The following PDE5A variants were observed in gnomAD, a reference collection of about 807,000 sequenced individuals.
The protein encoded by PDE5A is phosphodiesterase 5A, also known as cGMP-specific 3',5'-cyclic phosphodiesterase.
In PDE5A, 67 loss-of-function variants were observed where a neutral mutation model predicts 110.2. The ratio of observed to expected loss-of-function variants is 0.61; its 90% CI spans 0.50 to 0.75. The LOEUF (loss-of-function observed/expected upper bound fraction) is 0.75. Among genes scored for constraint, PDE5A ranks in the 30% least tolerant of loss-of-function variants. The pLI is 0.00. For synonymous variants in PDE5A, 328 were observed against 351.2 expected, an observed-to-expected ratio of 0.93 and a Z score of 0.74; for missense variants, 862 against 1,045.1, an observed-to-expected ratio of 0.82 and a Z score of 2.42.
chr4:119,571,209 T>C (rs1216674393), intron 3 of PDE5A, among the ~76,000 whole-genome samples: 3 of 152,222 alleles, frequency 2.0e-5, no homozygotes, highest in African/African-American at 7.2e-5. Context: ...CATCAAGTTA[T>C]GGTAATATTC....
chr4:119,556,289 A>G (rs185957946), intron 7 of PDE5A, among the ~76,000 whole-genome samples: 2 of 152,324 alleles, frequency 1.3e-5, no homozygotes, highest in Admixed American at 1.3e-4. Context: ...GATGGCTTCT[A>G]GTAACCTTCC....
chr4:119,625,590 T>A (rs968353604), intron 1 of PDE5A, among the ~76,000 whole-genome samples: 2 of 152,214 alleles, frequency 1.3e-5, no homozygotes, highest in Non-Finnish European at 2.9e-5. Flanking sequence ...AATATAAATA[T>A]ATTTTAAATC....
chr4:119,568,583 G>A lies in PDE5A; in HGVS notation c.832-1439C>T, dbSNP rs115173726. On this transcript the variant is annotated intron_variant, in intron 3 of 20. Coordinates refer to ENST00000354960, the MANE Select transcript of PDE5A (RefSeq NM_001083.4). ...TGATACATAAACATAGACTTATAGC[G>A]TAGTAGGATGGTGGGATCAGTTTCA... is the stretch of plus-strand genomic sequence containing the variant. Among the ~76,000 whole-genome samples, 1,149 of 152,262 alleles carry A rather than the reference G, an allele frequency of 7.5e-3. 14 individuals are homozygous for A. The highest frequency in any genetic ancestry group is 0.026 in the African/African-American group (1,085 of 41,544).
chr4:119,548,270 G>A (rs976370335), intron 9 of PDE5A: 3 of 151,450 alleles, frequency 2.0e-5, no homozygotes, highest in Non-Finnish European at 2.9e-5. Context: ...AGATGGTCTC[G>A]ATCTCCTGAC....
intron 11 of PDE5A, among the ~76,000 whole-genome samples, chr4:119,534,902 G>A (rs1726677083): frequency 6.6e-6 from 1 of 152,180 alleles, no homozygotes. Context: ...AAAGGTTAAG[G>A]TCAAGATGAG....
chr4:119,619,360 T>A (rs2110562951), intron 1 of PDE5A, among the ~76,000 whole-genome samples: 1 of 152,276 alleles, frequency 6.6e-6, no homozygotes, highest in Admixed American at 6.5e-5. Context: ...TGAAAGAGAT[T>A]TTTAAGCTCA....
At chr4:119,589,410 T>C (rs1460537941) in intron 3 of PDE5A, among the ~76,000 whole-genome samples, 2 of 152,158 alleles carry the variant, frequency 1.3e-5, no homozygotes, top group Admixed American at 1.3e-4. Flanking sequence ...GAGGGCAGTA[T>C]TTCACAAACA....
rs375276077 is a variant in PDE5A at position 119,501,205 on chromosome 4, C to G, written c.2455G>C (p.Gly819Arg). 2.8e-5 allele frequency: 45 copies of G among 1,612,420 alleles called. No individual in the cohort carries two copies. The African/African-American group carries it at 5.2e-4, about 19-fold the overall frequency. ...TGCAAGCAGATGGCATCTATGAACC[C>G]AACTTGCATACTTGGGATTTTGTTT... ...KKNKIPSMQV[G>R]FIDAICLQLY... Residue 819 changes from glycine to arginine, a missense_variant, in exon 20 of 21, where the codon GGG (glycine) becomes CGG (arginine). Coordinates refer to ENST00000354960, the MANE Select transcript of PDE5A (RefSeq NM_001083.4).
rs1350579143 is a variant in PDE5A, at chr4:119,494,579, G to A, written c.*4022C>T. On this transcript the variant is annotated 3_prime_UTR_variant, in exon 21 of 21. Transcript: ENST00000354960. ...GAAAGAGTCATCTGAAATGACTCTC[G>A]TGATGGAGGAAAGGAAAGTAATGAA... The A allele has an allele frequency of 1.3e-5, 2 of 152,480 alleles. No individual in the cohort carries two copies. The highest frequency in any genetic ancestry group is 4.8e-5 in the African/African-American group (2 of 41,398). 9.4% of individuals were successfully genotyped at this position (152,480 alleles called of 1,614,324 possible). A position where few individuals can be genotyped will look rare whatever the true frequency, so the allele number is the denominator to read the frequency against.
At chr4:119,542,948 G>T in intron 9 of PDE5A, 1 of 220,498 alleles carries the variant, frequency 4.5e-6, no homozygotes, top group South Asian at 8.8e-5. Flanking sequence ...AAGCTAATTG[G>T]ATTTTTGTAC....
chr4:119,593,316 G>T (rs1729043820), intron 3 of PDE5A, among the ~76,000 whole-genome samples: 2 of 152,140 alleles, frequency 1.3e-5, no homozygotes, highest in Non-Finnish European at 2.9e-5. Context: ...GACACAAACT[G>T]GAAATAACTG....
intron 16 of PDE5A, 106 bp downstream of exon 16, chr4:119,507,498 T>C (rs17007472): frequency 0.036 from 26,426 of 724,222 alleles, 627 homozygotes; most frequent in South Asian, 0.072. Flanking sequence ...ATAAGCAGTT[T>C]TGCCAGGACA....
chr4:119,551,125 T>C (rs147307386), intron 9 of PDE5A, among the ~76,000 whole-genome samples: 2 of 152,188 alleles, frequency 1.3e-5, no homozygotes, highest in African/African-American at 4.8e-5. Context: ...TAGATTAGCA[T>C]ACTGAAGACT....
intron 1 of PDE5A, among the ~76,000 whole-genome samples, chr4:119,626,718 C>A (rs1406587468): frequency 6.7e-6 from 1 of 148,408 alleles, no homozygotes; most frequent in Non-Finnish European, 1.5e-5. Flanking sequence ...ACGCTAAACT[C>A]GCAAAAAAGT....
rs142828505 is a variant in PDE5A, at chr4:119,562,841, C to G, written c.1123G>C (p.Asp375His). The change falls in exon 6 of 21, where the codon GAT becomes CAT. Residue 375 changes from aspartate to histidine, a missense_variant. Physicochemically the swap from Asp to His is moderately conservative, Grantham distance 81. Transcript: ENST00000354960. ...QKCTIFIVDE[D>H]CSDSFSSVFH... is the part of the protein sequence containing the mutation. ...TCATACTCTGTACTCACGGAGCAAT[C>G]TTCATCCACTATGAAAATGGTGCAT... 1.9e-6 allele frequency: 3 copies of G among 1,572,800 alleles called. No homozygotes were observed. The African/African-American group carries it at 4.2e-5, about 22-fold the overall frequency.
chr4:119,535,697 T>C (rs187190028), intron 11 of PDE5A, among the ~76,000 whole-genome samples: 2,025 of 152,230 alleles, frequency 0.013, 10 homozygotes, highest in Middle Eastern at 0.027. Context: ...AGATTTATAA[T>C]GGGATACAAC....
At chr4:119,618,236 G>A (rs999338259) in intron 1 of PDE5A, among the ~76,000 whole-genome samples, 1 of 152,106 alleles carries the variant, frequency 6.6e-6, no homozygotes, top group Non-Finnish European at 1.5e-5. Context: ...TTTCATTCAT[G>A]ATAGTTATTG....
chr4:119,498,796 C>T, intron 20 of PDE5A, 58 bp from the exon 21 acceptor site: 1 of 1,591,838 alleles, frequency 6.3e-7, no homozygotes, highest in Non-Finnish European at 8.6e-7. Context: ...AGTCCTCTCC[C>T]ACAGGCCTGT....
chr4:119,504,914 G>A (rs1401574982), intron 17 of PDE5A, among the ~76,000 whole-genome samples: 3 of 151,868 alleles, frequency 2.0e-5, no homozygotes, highest in African/African-American at 7.2e-5. Flanking sequence ...TGTCACCTTA[G>A]TATTCCATTC....
Sources: allele counts gnomAD v4.1 joint callset (sites outside exome capture counted in the v4.1 genomes callset), GRCh38; gene constraint gnomAD v4.1.1; transcripts MANE v1.5; gene names NCBI Gene and HGNC (gene_info 2026-07-23, HGNC 2026-07-21).